Variants in PRELID2 observed in about 807,000 individuals in gnomAD.
The protein encoded by PRELID2 is PRELI domain-containing protein 2.
In PRELID2, 25 loss-of-function variants were observed where a neutral mutation model predicts 28.4. The ratio of observed to expected loss-of-function variants is 0.88; its 90% CI spans 0.64 to 1.23. The LOEUF is 1.23. Among genes scored for constraint, PRELID2 ranks in the 50% most tolerant of loss-of-function variants. PRELID2 has a pLI of 0.00. For missense variants in PRELID2, 201 were observed against 214.4 expected (o/e 0.94, Z 0.39); for synonymous variants, 76 against 71.6 (o/e 1.06, Z -0.31).
Position 145,538,224 on chromosome 5 carries a change from T to C in PRELID2, n.71-64909A>G, listed in dbSNP as rs939059152. On this transcript the variant is annotated intron_variant and non_coding_transcript_variant, in intron 1 of 2. Transcript: ENST00000510259. ...GTCCTTATGTCCTTTTTTATGCCAGTACCATACTGTTCTGGTTACTATAGC... is the reference window on the plus strand; with the variant it reads ...GTCCTTATGTCCTTTTTTATGCCAGCACCATACTGTTCTGGTTACTATAGC... Among the ~76,000 whole-genome samples, 4 of 151,922 alleles carry C rather than the reference T, an allele frequency of 2.6e-5. 1 individual carries two copies. Among genetic ancestry groups the C allele is most frequent in the South Asian group, 4.1e-4 (2 of 4,830 alleles).
At chr5:145,518,145 AT>A (rs1359841621) in intron 1 of PRELID2, among the ~76,000 whole-genome samples, 82 of 73,310 alleles carry the variant, frequency 1.1e-3, no homozygotes, top group African/African-American at 5.5e-3. Context: ...TATAATAATA[AT>A]AATAATAATA....
At chr5:145,392,671 G>C in the PRELID2 span, among the ~76,000 whole-genome samples, 14 of 151,812 alleles carry the variant, frequency 9.2e-5, no homozygotes, top group Non-Finnish European at 1.2e-4. Context: ...CATAATGAAA[G>C]AGAAAGAAAG....
intron 1 of PRELID2, among the ~76,000 whole-genome samples, chr5:145,661,666 TAAAAAAAAAAA>T: frequency 1.0e-5 from 1 of 97,174 alleles, no homozygotes; most frequent in African/African-American, 3.2e-5. Flanking sequence ...AACAAGCCAT[TAAAAAAAAAAA>T]AAAAAAAAAA....
chr5:145,455,734 G>C, the PRELID2 span, among the ~76,000 whole-genome samples: 6 of 152,116 alleles, frequency 3.9e-5, no homozygotes, highest in African/African-American at 1.4e-4. Context: ...CTCATGATTT[G>C]GTTTTCTGTT....
the PRELID2 span, among the ~76,000 whole-genome samples, chr5:145,274,703 A>G: frequency 3.3e-5 from 5 of 152,166 alleles, no homozygotes; most frequent in Admixed American, 3.3e-4. Context: ...AAGCTGGTGG[A>G]TGGAATGTAG....
intron 1 of PRELID2, among the ~76,000 whole-genome samples, chr5:145,530,889 T>C (rs1027619422): frequency 2.6e-5 from 4 of 152,028 alleles, no homozygotes; most frequent in Admixed American, 2.6e-4. Flanking sequence ...TAATACTCCA[T>C]CTTGAGTGGA....
chr5:145,739,062 C>A (rs1581118946), intron 1 of PRELID2, among the ~76,000 whole-genome samples: 1 of 152,194 alleles, frequency 6.6e-6, no homozygotes, highest in African/African-American at 2.4e-5. Context: ...ACCCAGAATC[C>A]TAAATATCCA....
At chr5:145,428,229 G>T in the PRELID2 span, among the ~76,000 whole-genome samples, 1 of 152,086 alleles carries the variant, frequency 6.6e-6, no homozygotes, top group South Asian at 2.1e-4. Context: ...AAAGTGCTGG[G>T]ATTGCAGGCC....
chr5:145,477,455 G>C (rs1752113435), intron 1 of PRELID2, among the ~76,000 whole-genome samples: 1 of 152,156 alleles, frequency 6.6e-6, no homozygotes. Flanking sequence ...TTCCCCAAAT[G>C]AGCTCTGTTT....
At chr5:145,340,780 T>TAG in the PRELID2 span, among the ~76,000 whole-genome samples, 1 of 138,726 alleles carries the variant, frequency 7.2e-6, no homozygotes. Context: ...CATATATATA[T>TAG]ATATATATAT....
chr5:145,378,114 C>T, the PRELID2 span, among the ~76,000 whole-genome samples: 1 of 152,134 alleles, frequency 6.6e-6, no homozygotes, highest in Non-Finnish European at 1.5e-5. Flanking sequence ...GCTATAGGCT[C>T]CCAATCTCTT....
At chr5:145,407,595 C>A in the PRELID2 span, among the ~76,000 whole-genome samples, 4 of 152,140 alleles carry the variant, frequency 2.6e-5, no homozygotes, top group Non-Finnish European at 4.4e-5. Context: ...CTAAAAAACC[C>A]CAGTACTTTT....
At chr5:145,485,494 G>A (rs1025121080) in intron 1 of PRELID2, among the ~76,000 whole-genome samples, 3 of 152,236 alleles carry the variant, frequency 2.0e-5, no homozygotes, top group Non-Finnish European at 4.4e-5. Context: ...TGTAGAGCGT[G>A]TTTGCCTGCT....
intron 1 of PRELID2, among the ~76,000 whole-genome samples, chr5:145,719,398 G>A (rs976966907): frequency 1.3e-4 from 20 of 151,686 alleles, no homozygotes; most frequent in African/African-American, 4.6e-4. Context: ...AAAACACTTC[G>A]GAGTCTTGAT....
chr5:145,425,304 G>T, the PRELID2 span, among the ~76,000 whole-genome samples: 1 of 152,176 alleles, frequency 6.6e-6, no homozygotes, highest in Admixed American at 6.5e-5. Flanking sequence ...TACACTGTTG[G>T]TGGAAGTGTA....
intron 1 of PRELID2, among the ~76,000 whole-genome samples, chr5:145,493,790 T>C (rs1752287735): frequency 1.3e-5 from 2 of 152,198 alleles, no homozygotes; most frequent in Admixed American, 1.3e-4. Context: ...TGATGAGGCT[T>C]CTCCTAAAAT....
At chr5:145,529,457 C>T (rs1752637368) in intron 1 of PRELID2, among the ~76,000 whole-genome samples, 1 of 152,174 alleles carries the variant, frequency 6.6e-6, no homozygotes, top group African/African-American at 2.4e-5. Context: ...GTTATTACAA[C>T]TTCATGGTTT....
rs1048149385 is a variant in PRELID2, at chr5:145,756,943, G to A, written c.*3593C>T. Among the ~76,000 whole-genome samples, 5 of 151,994 alleles carry A rather than the reference G, an allele frequency of 3.3e-5. No homozygotes were observed. Among genetic ancestry groups the A allele is most frequent in the African/African-American group, 9.7e-5 (4 of 41,378 alleles). ...AATGTATCTGGAGCCTTCAGTGTAG[G>A]GACTTTAACAAAACTAAGTAGGGCC... On this transcript the variant is annotated 3_prime_UTR_variant, in exon 7 of 7. Transcript: ENST00000683046.
At chr5:145,572,415 T>C (rs1753022791) in intron 1 of PRELID2, among the ~76,000 whole-genome samples, 1 of 152,192 alleles carries the variant, frequency 6.6e-6, no homozygotes, top group Admixed American at 6.5e-5. Flanking sequence ...GTTCTATTCT[T>C]TTTGTTGATA....
Sources: gnomAD v4.1 joint callset for allele counts (sites outside exome capture counted in the v4.1 genomes callset) on GRCh38, gnomAD v4.1.1 for gene constraint, MANE v1.5 for transcripts, NCBI Gene and HGNC (gene_info 2026-07-23, HGNC 2026-07-21) for gene names.